Variants in KAT6B observed in about 807,000 individuals in gnomAD.
The protein encoded by KAT6B is lysine acetyltransferase 6B.
KAT6B carries 10 observed loss-of-function variants against 187.5 expected under a neutral mutation model. That is an observed-to-expected ratio of 0.05 (90% CI 0.03 to 0.09). The LOEUF is 0.09. Ranked by LOEUF, KAT6B falls within the 10% of genes least tolerant of loss-of-function variation. KAT6B has a pLI of 1.00. For missense variants in KAT6B, 1,952 were observed against 2,558.9 expected, an observed-to-expected ratio of 0.76 and a Z score of 5.12; for synonymous variants, 861 against 926.8, an observed-to-expected ratio of 0.93 and a Z score of 1.29.
chr10:74,944,808 C>CAAAAAA (rs58164194), intron 3 of KAT6B, among the ~76,000 whole-genome samples: 635 of 32,892 alleles, frequency 0.019, 65 homozygotes, highest in East Asian at 0.11. Flanking sequence ...GACTCCGTCT[C>CAAAAAA]AAAAAAAAAA....
intron 3 of KAT6B, among the ~76,000 whole-genome samples, chr10:74,935,375 A>G (rs898833282): frequency 6.8e-6 from 1 of 146,344 alleles, no homozygotes; most frequent in East Asian, 2.0e-4. Flanking sequence ...TGAAAACAAT[A>G]TATCTTTTTT....
chr10:74,938,759 CAG>C (rs1222939740), intron 3 of KAT6B, among the ~76,000 whole-genome samples: 1 of 151,920 alleles, frequency 6.6e-6, no homozygotes, highest in African/African-American at 2.4e-5. Context: ...TTTTGTGAGA[CAG>C]AGTCTCACTC....
At position 74,979,241 on chromosome 10, in the gene KAT6B, T is replaced by C; in HGVS notation, c.2133T>C (p.Ser711=). The part of the protein sequence containing the change: ...ELSWEKIECE[S]GVEDCGRYPS... ...TTTGACAGAAAATAGAGTGTGAGAG[T>C]GGGGTGGAAGACTGTGGCCGGTACC... The change falls in exon 10 of 18, where the codon AGT becomes AGC. Residue 711 remains serine, a synonymous_variant. Coordinates refer to ENST00000287239, the MANE Select transcript of KAT6B (RefSeq NM_012330.4). 3.7e-6 allele frequency: 6 copies of C among 1,612,110 alleles called. No homozygotes were observed. The highest frequency in any genetic ancestry group is 5.1e-6 in the Non-Finnish European group (6 of 1,178,336).
At chr10:74,896,246 A>G (rs1845977462) in intron 3 of KAT6B, among the ~76,000 whole-genome samples, 1 of 152,108 alleles carries the variant, frequency 6.6e-6, no homozygotes. Flanking sequence ...TCATGGGCCT[A>G]CCATAATATC....
At chr10:74,944,781 C>T (rs949422051) in intron 3 of KAT6B, among the ~76,000 whole-genome samples, 1 of 139,708 alleles carries the variant, frequency 7.2e-6, no homozygotes, top group Non-Finnish European at 1.5e-5. Flanking sequence ...TGCACTCCAG[C>T]CCGGGCGACA....
intron 9 of KAT6B, among the ~76,000 whole-genome samples, chr10:74,978,417 G>A (rs1000043184): frequency 6.6e-6 from 1 of 152,148 alleles, no homozygotes; most frequent in Non-Finnish European, 1.5e-5. Flanking sequence ...CTTTACTCCA[G>A]CCTGGACAAC....
At chr10:74,990,117 C>T (rs1843034607) in intron 13 of KAT6B, among the ~76,000 whole-genome samples, 1 of 145,802 alleles carries the variant, frequency 6.9e-6, no homozygotes, top group Non-Finnish European at 1.5e-5. Flanking sequence ...ATCACTTGAA[C>T]CCGGGAGGTG....
Position 74,975,528 on chromosome 10 carries a change from C to G in KAT6B, c.1191C>G (p.Ser397Arg), listed in dbSNP as rs1397395089. ...CTGCATCTGGGAAGGACTCAAGCAG[C>G]AGATTGGCTGTTACAGACCCCACTC... ...GHAASGKDSS[S>R]RLAVTDPTRP... The change falls in exon 8 of 18, where the codon AGC (serine) becomes AGG (arginine). Residue 397 changes from serine (S) to arginine (R), a missense_variant. Physicochemically the swap from Ser to Arg is moderately radical, Grantham distance 110. Coordinates refer to ENST00000287239, the MANE Select transcript of KAT6B (RefSeq NM_012330.4). 6.2e-7 allele frequency: 1 copy of G among 1,614,002 alleles called. No individual in the cohort carries two copies. The highest frequency in any genetic ancestry group is 8.5e-7 in the Non-Finnish European group (1 of 1,180,042).
intron 3 of KAT6B, among the ~76,000 whole-genome samples, chr10:74,881,179 G>A (rs1197067582): frequency 6.6e-6 from 1 of 152,090 alleles, no homozygotes; most frequent in Non-Finnish European, 1.5e-5. Context: ...CAAAGTGCTG[G>A]GATTATAGGT....
At chr10:74,938,752 T>C (rs965298019) in intron 3 of KAT6B, among the ~76,000 whole-genome samples, 1 of 152,282 alleles carries the variant, frequency 6.6e-6, no homozygotes, top group East Asian at 1.9e-4. Context: ...TCTCTTTTTT[T>C]GTGAGACAGA....
At chr10:74,971,648 C>A (rs1841853825) in intron 6 of KAT6B, among the ~76,000 whole-genome samples, 1 of 151,840 alleles carries the variant, frequency 6.6e-6, no homozygotes, top group Admixed American at 6.6e-5. Context: ...CTTTTTCTTC[C>A]TGATTTGCAG....
At chr10:75,017,569 G>A (rs1042572608) in intron 13 of KAT6B, among the ~76,000 whole-genome samples, 1 of 151,944 alleles carries the variant, frequency 6.6e-6, no homozygotes, top group Non-Finnish European at 1.5e-5. Flanking sequence ...AGCCCATATC[G>A]CACCATTGCA....
intron 2 of KAT6B, among the ~76,000 whole-genome samples, chr10:74,839,291 C>T (rs1045173052): frequency 8.8e-5 from 13 of 148,532 alleles, no homozygotes; most frequent in African/African-American, 3.0e-4. Flanking sequence ...AGTACAATGG[C>T]GCAATCTCGA....
intron 3 of KAT6B, among the ~76,000 whole-genome samples, chr10:74,936,366 G>A (rs1296737332): frequency 6.7e-6 from 1 of 149,784 alleles, no homozygotes; most frequent in East Asian, 2.0e-4. Context: ...CTGCGCCACT[G>A]CACTCCAGCC....
In KAT6B at chr10:74,932,382, C is replaced by T. The variant is rs527694459; in HGVS notation, c.622-27588C>T. ...AGATACTTGGCCAAGATCACACGAC[C>T]AGAAAATGATAGAGCTAGGAAAGTA... is the stretch of plus-strand genomic sequence containing the variant. On this transcript the variant is annotated intron_variant, in intron 3 of 17. Coordinates refer to ENST00000287239, the MANE Select transcript of KAT6B (RefSeq NM_012330.4). 2.0e-5 allele frequency among the ~76,000 whole-genome samples: 3 copies of T among 152,228 alleles called. No homozygotes were observed. In the South Asian group the frequency reaches 6.2e-4, roughly 32 times the overall value.
chr10:75,030,141 G>A lies in KAT6B; in HGVS notation c.5317G>A (p.Ala1773Thr), dbSNP rs1229843721. ...SQQLAQCSMA[A>T]NFTPPMQLAE... is the part of the protein sequence containing the mutation. ...GCAGCTGGCTCAGTGCAGCATGGCT[G>A]CTAACTTCACCCCACCCATGCAGCT... Residue 1773 changes from alanine to threonine, a missense_variant, in exon 18 of 18, where the codon GCT (alanine) becomes ACT (threonine). This residue lies in a region of KAT6B where 358 missense variants were observed against 436.3 expected (regional missense o/e 0.82). Coordinates refer to ENST00000287239, the MANE Select transcript of KAT6B (RefSeq NM_012330.4). The surrounding 1 kb of genome is among the most constrained non-coding windows in gnomAD (Gnocchi z 4.8). The A allele has an allele frequency of 1.9e-6, 3 of 1,614,126 alleles. No homozygotes were observed. In the Admixed American group the frequency reaches 5.0e-5, roughly 27 times the overall value.
chr10:74,904,031 T>TTAG (rs934938221), intron 3 of KAT6B, among the ~76,000 whole-genome samples: 2 of 152,160 alleles, frequency 1.3e-5, no homozygotes, highest in African/African-American at 4.8e-5. Context: ...CAGGTGTGTA[T>TTAG]TAGTGAGCAT....
chr10:74,944,854 CAAT>C (rs1257771690), intron 3 of KAT6B, among the ~76,000 whole-genome samples: 1 of 139,092 alleles, frequency 7.2e-6, no homozygotes, highest in Non-Finnish European at 1.5e-5. Flanking sequence ...ATTAAAATCA[CAAT>C]GAGACACTTC....
chr10:74,873,571 C>A (rs1005918375), intron 3 of KAT6B, among the ~76,000 whole-genome samples: 2 of 151,960 alleles, frequency 1.3e-5, no homozygotes, highest in South Asian at 4.2e-4. Context: ...TGGGAGGAGG[C>A]CTTTGTGAGG....
Sources: gnomAD v4.1 joint callset for allele counts (sites outside exome capture counted in the v4.1 genomes callset) on GRCh38, gnomAD v4.1.1 for gene constraint, gnomAD v4.1.1 regional missense constraint, Gnocchi (gnomAD v3.1) non-coding constraint, MANE v1.5 for transcripts, NCBI Gene and HGNC (gene_info 2026-07-23, HGNC 2026-07-21) for gene names.